The following DNAH1 variants were observed in gnomAD, a reference collection of about 807,000 sequenced individuals.
DNAH1 encodes the protein axonemal beta dynein heavy chain 1.
In DNAH1, 327 loss-of-function variants were observed where a neutral mutation model predicts 484.3. The ratio of observed to expected loss-of-function variants is 0.68; its 90% CI spans 0.62 to 0.74. The LOEUF (loss-of-function observed/expected upper bound fraction) is 0.74. Ranked by LOEUF, DNAH1 falls within the 30% of genes least tolerant of loss-of-function variation. The pLI, the probability that DNAH1 is intolerant of heterozygous loss-of-function variation, is 0.00. For missense variants in DNAH1, 5,052 were observed against 5,546.8 expected (o/e 0.91, Z 2.83); for synonymous variants, 2,192 against 2,191.9 (o/e 1.00, Z 0.00).
At chr3:52,311,444 A>G (rs1428245616), upstream of DNAH1, among the ~76,000 whole-genome samples, 1 of 152,084 alleles carries the variant, frequency 6.6e-6, no homozygotes, top group Non-Finnish European at 1.5e-5. Context: ...CAGATGGGAA[A>G]ATGAGGCCCA....
chr3:52,339,804 C>CTGTGTGTGTG (rs59262545), intron 8 of DNAH1, among the ~76,000 whole-genome samples: 6 of 146,538 alleles, frequency 4.1e-5, no homozygotes, highest in African/African-American at 1.3e-4. Flanking sequence ...GTGTGTGTGT[C>CTGTGTGTGTG]TGTGTGTGTG....
intron 46 of DNAH1, 110 bp downstream of exon 46, chr3:52,376,103 T>C: frequency 7.2e-7 from 1 of 1,383,628 alleles, no homozygotes; most frequent in Non-Finnish European, 9.9e-7. Flanking sequence ...ATCCTCAGGT[T>C]CATGCAGGGA....
rs373438059 is a variant in DNAH1, at chr3:52,392,625, C to T, written c.10214C>T (p.Pro3405Leu). The change falls in exon 64 of 78, where the codon CCT (proline) becomes CTT (leucine). Residue 3405 changes from proline to leucine, a missense_variant. By Grantham distance (98) the Pro-to-Leu change is moderately conservative. Transcript: ENST00000420323. ...LYRLSSSEGNPVDDMELIKVL... is the reference protein window; with the variant it reads ...LYRLSSSEGNLVDDMELIKVL... ...CGGCTCAGCTCCTCCGAGGGCAACCCTGTAGATGACATGGAACTCATCAAG... is the reference window on the plus strand; with the variant it reads ...CGGCTCAGCTCCTCCGAGGGCAACCTTGTAGATGACATGGAACTCATCAAG... The T allele has an allele frequency of 6.2e-7, 1 of 1,613,086 alleles. No homozygotes were observed. The highest frequency in any genetic ancestry group is 8.5e-7 in the Non-Finnish European group (1 of 1,179,618).
chr3:52,373,645 C>G (rs2153224840), intron 44 of DNAH1: 1 of 1,418,458 alleles, frequency 7.0e-7, no homozygotes, highest in East Asian at 2.3e-5. Context: ...AAACTACCAT[C>G]CTTAAAAGAT....
intron 9 of DNAH1, 91 bp downstream of exon 9, chr3:52,344,738 A>G: frequency 5.1e-6 from 7 of 1,385,694 alleles, no homozygotes; most frequent in Non-Finnish European, 6.8e-6. Context: ...CTGCCCTGCC[A>G]TTGTGGGCGT....
Position 52,370,617 on chromosome 3 carries a change from C to T in DNAH1, c.6399C>T (p.Leu2133=). 1 of 1,612,118 alleles carries T rather than the reference C, an allele frequency of 6.2e-7. No homozygotes were observed. The highest frequency in any genetic ancestry group is 8.5e-7 in the Non-Finnish European group (1 of 1,179,066). ...GRTSFSHWLR[L]KMENEQLTLL... Reference sequence around the variant, plus strand: ...CCAGTTTCAGCCACTGGCTAAGGCTCAAGATGGAGAACGAACAGGTGAGAG... The same window carrying T: ...CCAGTTTCAGCCACTGGCTAAGGCTTAAGATGGAGAACGAACAGGTGAGAG... Residue 2133 remains leucine, a synonymous_variant, in exon 40 of 78, where the codon CTC becomes CTT. Transcript: ENST00000420323.
intron 3 of DNAH1, among the ~76,000 whole-genome samples, chr3:52,324,956 C>A (rs940745026): frequency 6.6e-6 from 1 of 152,042 alleles, no homozygotes; most frequent in Non-Finnish European, 1.5e-5. Context: ...GGCCCGCGGA[C>A]GCAGCAGGGT....
rs758362841 is a variant in DNAH1 at position 52,349,277 on chromosome 3, A to T, written c.2383A>T (p.Ser795Cys). Residue 795 changes from serine (S) to cysteine (C), a missense_variant, in exon 14 of 78, where the codon AGC becomes TGC. Physicochemically the swap from Ser to Cys is moderately radical, Grantham distance 112. Transcript: ENST00000420323. ...THLREKEILD[S>C]SLPSSIIIGP... Reference sequence around the variant, plus strand: ...CCTGCGGGAGAAGGAGATCCTGGACAGCTCGCTGCCCAGCAGCATCATCAT... The same window carrying T: ...CCTGCGGGAGAAGGAGATCCTGGACTGCTCGCTGCCCAGCAGCATCATCAT... The T allele has an allele frequency of 1.9e-6, 3 of 1,614,004 alleles. No individual in the cohort carries two copies. The South Asian group carries it at 3.3e-5, about 18-fold the overall frequency.
Position 52,395,076 on chromosome 3 carries a change from T to G in DNAH1, c.10968+17T>G. ...GAACCCCAGGCAAGTGCTGGAACCCTGGCAGGACTGGCACCTTGAGCTTGT... is the reference window on the plus strand; with the variant it reads ...GAACCCCAGGCAAGTGCTGGAACCCGGGCAGGACTGGCACCTTGAGCTTGT... On this transcript the variant is annotated intron_variant, in intron 68 of 77. Transcript: ENST00000420323. The surrounding 1 kb of genome is among the most constrained non-coding windows in gnomAD (Gnocchi z 4.4). 1.3e-6 allele frequency: 2 copies of G among 1,599,614 alleles called. No individual in the cohort carries two copies. The highest frequency in any genetic ancestry group is 1.7e-6 in the Non-Finnish European group (2 of 1,173,046).
chr3:52,367,221 G>C (rs1197248951), intron 36 of DNAH1, among the ~76,000 whole-genome samples: 1 of 152,204 alleles, frequency 6.6e-6, no homozygotes, highest in Admixed American at 6.5e-5. Context: ...CCCAGGCCGG[G>C]GTGTGCATTT....
In DNAH1 at chr3:52,398,902, GC is replaced by G. The variant is rs746049858; in HGVS notation, c.12143del (p.Ala4048AspfsTer6). Reference sequence around the variant, plus strand: ...ACAGACACTGCAAGACCTACTCAAGGCACTCAAGGGGCTGGTAGTGATGTCC... The same window carrying G: ...ACAGACACTGCAAGACCTACTCAAGGACTCAAGGGGCTGGTAGTGATGTCC... The part of the protein sequence containing the change: ...ITQTLQDLLK[A>X]LKGLVVMSSQ... On this transcript the variant is annotated frameshift_variant, in exon 76 of 78. Coordinates refer to ENST00000420323, the MANE Select transcript of DNAH1 (RefSeq NM_015512.5). LOFTEE classifies it high-confidence loss of function. 7.7e-5 allele frequency: 123 copies of G among 1,603,196 alleles called. No homozygotes were observed. The highest frequency in any genetic ancestry group is 1.0e-4 in the Non-Finnish European group (119 of 1,173,566).
At position 52,391,176 on chromosome 3, in the gene DNAH1, C is replaced by T; in HGVS notation, c.9742-3C>T. 1 of 1,613,888 alleles carries T rather than the reference C, an allele frequency of 6.2e-7. No individual in the cohort carries two copies. Among genetic ancestry groups the T allele is most frequent in the African/African-American group, 1.3e-5 (1 of 75,054 alleles). On this transcript the variant is annotated splice_polypyrimidine_tract_variant and splice_region_variant and intron_variant, in intron 61 of 77. Transcript: ENST00000420323. ...AACCCCTTCTTTTCCCCTTCCCTTACAGGAGAAGGACAATGGGCTGGATGT... is the reference window on the plus strand; with the variant it reads ...AACCCCTTCTTTTCCCCTTCCCTTATAGGAGAAGGACAATGGGCTGGATGT...
chr3:52,331,217 A>C lies in DNAH1; in HGVS notation c.941A>C (p.Lys314Thr). Residue 314 changes from lysine (K) to threonine (T), a missense_variant, in exon 7 of 78, where the codon AAG becomes ACG. Lys to Thr is a moderately conservative substitution (Grantham distance 78). Coordinates refer to ENST00000420323, the MANE Select transcript of DNAH1 (RefSeq NM_015512.5). ...EVGVLDYDEEKKLYLVHKTDE... is the reference protein window; with the variant it reads ...EVGVLDYDEETKLYLVHKTDE... The stretch of plus-strand genomic sequence containing the variant: ...GGCGTCCTGGACTACGACGAGGAGA[A>C]GAAGCTATACCTGGTACACAAGACA... The C allele has an allele frequency of 5.0e-6, 8 of 1,610,552 alleles. No homozygotes were observed. The highest frequency in any genetic ancestry group is 6.8e-6 in the Non-Finnish European group (8 of 1,178,464).
intron 37 of DNAH1, 36 bp from the exon 38 acceptor site, chr3:52,369,789 C>T (rs1450196042): frequency 1.3e-6 from 2 of 1,574,096 alleles, no homozygotes; most frequent in East Asian, 2.3e-5. Context: ...TGAGGACTGG[C>T]AGCCAGCCCA....
upstream of DNAH1, among the ~76,000 whole-genome samples, chr3:52,312,474 T>C (rs1700809790): frequency 6.7e-6 from 1 of 149,190 alleles, no homozygotes; most frequent in East Asian, 2.0e-4. Context: ...TGCCACGCTT[T>C]TTTTTTTTTT....
intron 1 of DNAH1, among the ~76,000 whole-genome samples, chr3:52,317,339 C>T (rs942220012): frequency 6.6e-6 from 1 of 152,094 alleles, no homozygotes; most frequent in Non-Finnish European, 1.5e-5. Context: ...CGAGGGGTGT[C>T]GGGCGCATCC....
Position 52,395,109 on chromosome 3 carries a change from C to T in DNAH1, c.10968+50C>T, listed in dbSNP as rs563782048. 2.5e-6 allele frequency: 4 copies of T among 1,573,144 alleles called. No individual in the cohort carries two copies. Among genetic ancestry groups the T allele is most frequent in the Middle Eastern group, 3.4e-4 (2 of 5,940 alleles). Reference sequence around the variant, plus strand: ...CTGGCACCTTGAGCTTGTCCCCACCCTGGGTCCCAGGGCCCTGGCTGCATC... The same window carrying T: ...CTGGCACCTTGAGCTTGTCCCCACCTTGGGTCCCAGGGCCCTGGCTGCATC... On this transcript the variant is annotated intron_variant, in intron 68 of 77. Transcript: ENST00000420323. The surrounding 1 kb of genome is among the most constrained non-coding windows in gnomAD (Gnocchi z 4.4).
Position 52,400,452 on chromosome 3 carries a change from G to A in DNAH1, c.*6G>A. 3 of 1,613,948 alleles carry A rather than the reference G, an allele frequency of 1.9e-6. No individual in the cohort carries two copies. Among genetic ancestry groups the A allele is most frequent in the Non-Finnish European group, 2.5e-6 (3 of 1,179,814 alleles). On this transcript the variant is annotated 3_prime_UTR_variant, in exon 78 of 78. Transcript: ENST00000420323. ...TCTGTGCCCTGGACTACTAGACTCA[G>A]ACAGAAGGGCTGGGGCCATTAAAGC...
intron 52 of DNAH1, among the ~76,000 whole-genome samples, chr3:52,384,559 T>C (rs1253738952): frequency 6.6e-6 from 1 of 152,208 alleles, no homozygotes; most frequent in African/African-American, 2.4e-5. Flanking sequence ...CCTTGACAGC[T>C]ATGTGAACTT....
Sources: allele counts gnomAD v4.1 joint callset (sites outside exome capture counted in the v4.1 genomes callset), GRCh38; gene constraint gnomAD v4.1.1; non-coding constraint Gnocchi (gnomAD v3.1); transcripts MANE v1.5; gene names NCBI Gene and HGNC (gene_info 2026-07-23, HGNC 2026-07-21).